The following CD200 variants were observed in gnomAD, a reference collection of about 807,000 sequenced individuals.
CD200 encodes CD200 molecule.
CD200 carries 15 observed loss-of-function variants against 30.9 expected under a neutral mutation model. The ratio of observed to expected loss-of-function variants is 0.49; its 90% CI spans 0.32 to 0.75. The LOEUF (loss-of-function observed/expected upper bound fraction) is 0.75, where lower values mean the gene tolerates loss of function less well. Ranked by LOEUF, CD200 falls within the 30% of genes least tolerant of loss-of-function variation. The pLI is 0.03. For synonymous variants in CD200, 134 were observed against 126.2 expected (o/e 1.06, Z -0.41); for missense variants, 262 against 324.2 (o/e 0.81, Z 1.47).
chr3:112,343,753 G>T (rs769375865), intron 2 of CD200, among the ~76,000 whole-genome samples: 2 of 152,038 alleles, frequency 1.3e-5, no homozygotes, highest in Non-Finnish European at 2.9e-5. Context: ...GTTGTTAGGT[G>T]CATAAAGGTT....
rs185248808 is a variant in CD200 at position 112,344,985 on chromosome 3, A to C, written c.118A>C (p.Arg40=). 1.2e-6 allele frequency: 2 copies of C among 1,613,062 alleles called. No homozygotes were observed. Among genetic ancestry groups the C allele is most frequent in the East Asian group, 4.5e-5 (2 of 44,880 alleles). ...AQVQVVTQDE[R]EQLYTPASLK... ...AGTGCAAGTGGTGACCCAGGATGAA[A>C]GAGAGCAGCTGTACACACCTGCTTC... Residue 40 remains arginine (R), a synonymous_variant, in exon 3 of 6, where the codon AGA becomes CGA. Coordinates refer to ENST00000315711, the MANE Select transcript of CD200 (RefSeq NM_005944.7).
chr3:112,358,667 G>A lies in CD200; in HGVS notation c.803-2876G>A, dbSNP rs72952423. Among the ~76,000 whole-genome samples, 843 of 152,230 alleles carry A rather than the reference G, an allele frequency of 5.5e-3. 5 individuals are homozygous for A. The highest frequency in any genetic ancestry group is 0.019 in the African/African-American group (776 of 41,522). On this transcript the variant is annotated intron_variant, in intron 5 of 5. Transcript: ENST00000315711. ...TAAACTGCCGCATGTCAGGAAGAGC[G>A]GCTACCTGAAGGTGCTTGTAGATCC...
intron 5 of CD200, among the ~76,000 whole-genome samples, chr3:112,351,512 C>A (rs1405420653): frequency 6.6e-6 from 1 of 152,124 alleles, no homozygotes; most frequent in East Asian, 1.9e-4. Context: ...TCATTCAATG[C>A]CAATATCCGA....
intron 5 of CD200, among the ~76,000 whole-genome samples, 189 bp from the exon 6 acceptor site, chr3:112,361,354 T>C (rs115758359): frequency 7.6e-4 from 116 of 152,316 alleles, no homozygotes; most frequent in Middle Eastern, 6.8e-3. Context: ...CCTACTTTTG[T>C]TCTTGTAAAG....
At chr3:112,355,716 C>A (rs551919719) in intron 5 of CD200, among the ~76,000 whole-genome samples, 120 of 152,218 alleles carry the variant, frequency 7.9e-4, no homozygotes, top group African/African-American at 2.8e-3. Flanking sequence ...TTTCAGAATT[C>A]TTCAAAATTC....
At chr3:112,360,257 G>A (rs1357423957) in intron 5 of CD200, among the ~76,000 whole-genome samples, 1 of 152,004 alleles carries the variant, frequency 6.6e-6, no homozygotes, top group Non-Finnish European at 1.5e-5. Context: ...GAACCTAGGA[G>A]GTGGAGGTTA....
chr3:112,341,764 T>C (rs2081243965), intron 2 of CD200, among the ~76,000 whole-genome samples: 1 of 152,208 alleles, frequency 6.6e-6, no homozygotes, highest in Non-Finnish European at 1.5e-5. Flanking sequence ...AAAACTCATC[T>C]AAGAGTTGAA....
At chr3:112,337,294 C>T (rs1243853319) in intron 1 of CD200, among the ~76,000 whole-genome samples, 3 of 151,962 alleles carry the variant, frequency 2.0e-5, no homozygotes, top group Non-Finnish European at 2.9e-5. Flanking sequence ...AAAATGCTTC[C>T]GAAGAGGAGG....
chr3:112,360,076 C>T (rs2081707579), intron 5 of CD200, among the ~76,000 whole-genome samples: 1 of 152,092 alleles, frequency 6.6e-6, no homozygotes, highest in Non-Finnish European at 1.5e-5. Context: ...GTCTGTAATC[C>T]CAGCACTTTG....
intron 1 of CD200, among the ~76,000 whole-genome samples, chr3:112,339,237 C>G (rs1234316144): frequency 6.6e-6 from 1 of 152,064 alleles, no homozygotes; most frequent in African/African-American, 2.4e-5. Flanking sequence ...GCTTCCATTG[C>G]CTTAGAGAAG....
intron 1 of CD200, among the ~76,000 whole-genome samples, chr3:112,337,869 A>T (rs951679184): frequency 6.6e-6 from 1 of 152,196 alleles, no homozygotes; most frequent in Non-Finnish European, 1.5e-5. Context: ...TAATATTTGC[A>T]TATAACCTAT....
chr3:112,335,692 C>T, intron 1 of CD200: 1 of 457,596 alleles, frequency 2.2e-6, no homozygotes, highest in Non-Finnish European at 4.0e-6. Context: ...GACATCTATC[C>T]TGAAAGATCC....
rs147816539 is a variant in CD200 at position 112,337,661 on chromosome 3, G to C, written c.13-3241G>C. 7.8e-3 allele frequency among the ~76,000 whole-genome samples: 1,184 copies of C among 152,262 alleles called. 19 individuals carry two copies. Among genetic ancestry groups the C allele is most frequent in the African/African-American group, 0.027 (1,132 of 41,550 alleles). On this transcript the variant is annotated intron_variant, in intron 1 of 5. Coordinates refer to ENST00000315711, the MANE Select transcript of CD200 (RefSeq NM_005944.7). Reference sequence around the variant, plus strand: ...GGATAGTAAACTTAACTAAGTTAGGGACTATATCTGCCTTATGCACCATTG... The same window carrying C: ...GGATAGTAAACTTAACTAAGTTAGGCACTATATCTGCCTTATGCACCATTG...
At chr3:112,348,257 AC>A (rs1188546591) in intron 4 of CD200, among the ~76,000 whole-genome samples, 4 of 152,176 alleles carry the variant, frequency 2.6e-5, no homozygotes, top group African/African-American at 9.6e-5. Context: ...GCTATGATGC[AC>A]CATGGGAGGA....
intron 5 of CD200, among the ~76,000 whole-genome samples, chr3:112,357,733 C>G (rs2081654355): frequency 1.3e-5 from 2 of 152,072 alleles, no homozygotes; most frequent in Admixed American, 6.5e-5. Flanking sequence ...TTAATGTCAT[C>G]AATAGGTTCT....
At chr3:112,358,397 A>G (rs2081669186) in intron 5 of CD200, among the ~76,000 whole-genome samples, 1 of 152,222 alleles carries the variant, frequency 6.6e-6, no homozygotes, top group African/African-American at 2.4e-5. Flanking sequence ...AGAATCAGAA[A>G]ATGTGCATTC....
chr3:112,333,164 AG>A lies in CD200; in HGVS notation c.-47del. ...CCTCCCGCCTGCCTAGCAGAGCTCCAGGCGCACATCCGCAGTCAGCCACCTC... is the reference window on the plus strand; with the variant it reads ...CCTCCCGCCTGCCTAGCAGAGCTCCAGCGCACATCCGCAGTCAGCCACCTC... On this transcript the variant is annotated 5_prime_UTR_variant, in exon 1 of 6. Transcript: ENST00000315711. 1 of 1,548,192 alleles carries A rather than the reference AG, an allele frequency of 6.5e-7. No individual in the cohort carries two copies. Among genetic ancestry groups the A allele is most frequent in the Non-Finnish European group, 8.7e-7 (1 of 1,146,608 alleles).
At chr3:112,342,353 C>T (rs1290206422) in intron 2 of CD200, among the ~76,000 whole-genome samples, 4 of 10,368 alleles carry the variant, frequency 3.9e-4, no homozygotes, top group Admixed American at 1.3e-3. Flanking sequence ...TTCTTTCTTT[C>T]TTTCTTTCTT....
At chr3:112,338,626 A>G (rs1432618927) in intron 1 of CD200, among the ~76,000 whole-genome samples, 2 of 152,180 alleles carry the variant, frequency 1.3e-5, no homozygotes, top group Middle Eastern at 3.2e-3. Context: ...CAATGACTCA[A>G]TGGCTTTCAG....
Sources: gnomAD v4.1 joint callset for allele counts (sites outside exome capture counted in the v4.1 genomes callset) on GRCh38, gnomAD v4.1.1 for gene constraint, MANE v1.5 for transcripts, NCBI Gene and HGNC (gene_info 2026-07-23, HGNC 2026-07-21) for gene names.